Variants in VPS35L observed in about 807,000 individuals in gnomAD.
VPS35L encodes VPS35 endosomal protein-sorting factor-like.
A neutral mutation model predicts 133.0 loss-of-function variants in VPS35L; 83 were observed. The observed-to-expected ratio is 0.62, with a 90% confidence interval of 0.52 to 0.75. VPS35L has a LOEUF of 0.75. Among genes scored for constraint, VPS35L ranks in the 30% least tolerant of loss-of-function variants. The pLI, the probability that VPS35L is intolerant of heterozygous loss-of-function variation, is 0.00. For missense variants in VPS35L, 1,083 were observed against 1,206.8 expected, an observed-to-expected ratio of 0.90 and a Z score of 1.52; for synonymous variants, 423 against 449.9, an observed-to-expected ratio of 0.94 and a Z score of 0.76.
intron 28 of VPS35L, among the ~76,000 whole-genome samples, chr16:19,690,957 G>T (rs140854472): frequency 7.1e-6 from 1 of 140,856 alleles, no homozygotes; most frequent in African/African-American, 2.7e-5. Flanking sequence ...GAGAGACTCC[G>T]TCTCAAAAAA....
At chr16:19,647,472 C>T (rs1055746743) in intron 23 of VPS35L, among the ~76,000 whole-genome samples, 2 of 152,304 alleles carry the variant, frequency 1.3e-5, no homozygotes, top group Admixed American at 1.3e-4. Flanking sequence ...CATCAGGAAG[C>T]AGAAAGGTGT....
intron 26 of VPS35L, among the ~76,000 whole-genome samples, chr16:19,666,872 TTTTCTTTCTTTCTTTCTTTCTTTC>T (rs551438290): frequency 4.7e-5 from 5 of 106,344 alleles, no homozygotes; most frequent in Non-Finnish European, 9.6e-5. Context: ...AGGGCCATGT[TTTTCTTTCTTTCTTTCTTTCTTTC>T]TTTCTTTCTT....
At chr16:19,691,832 A>AG (rs1975700603) in intron 29 of VPS35L, among the ~76,000 whole-genome samples, 1 of 150,050 alleles carries the variant, frequency 6.7e-6, no homozygotes, top group Non-Finnish European at 1.5e-5. Context: ...TCCATCCCTC[A>AG]GCTCCCTGAC....
chr16:19,699,795 C>G lies in VPS35L; in HGVS notation c.2793+147C>G, dbSNP rs1976050692. On this transcript the variant is annotated intron_variant, in intron 30 of 30. Transcript: ENST00000417362. The surrounding 1 kb of genome is among the most constrained non-coding windows in gnomAD (Gnocchi z 4.2). ...TGGTCCATTTCTACTGGATCACTTC[C>G]TAGCAGTAAAAAGCAGAGCTGGCCA... 1.8e-6 allele frequency: 2 copies of G among 1,125,642 alleles called. No homozygotes were observed. Among genetic ancestry groups the G allele is most frequent in the Non-Finnish European group, 2.5e-6 (2 of 803,680 alleles). 69.7% of individuals were successfully genotyped at this position (1,125,642 alleles called of 1,614,324 possible). A position where few individuals can be genotyped will look rare whatever the true frequency, so the allele number is the denominator to read the frequency against.
Position 19,597,037 on chromosome 16 carries a change from A to C in VPS35L, c.725-4627A>C, listed in dbSNP as rs577040980. The stretch of plus-strand genomic sequence containing the variant: ...CTATCTCAGAAAAACAATCAAACCA[A>C]CAACAACAACAACAAAACAACAACA... On this transcript the variant is annotated intron_variant, in intron 8 of 30. Coordinates refer to ENST00000417362, the MANE Select transcript of VPS35L (RefSeq NM_020314.7). Among the ~76,000 whole-genome samples, 13 of 150,482 alleles carry C rather than the reference A, an allele frequency of 8.6e-5. No homozygotes were observed. The East Asian group carries it at 1.6e-3, about 18-fold the overall frequency.
chr16:19,596,205 G>A (rs28592084), intron 8 of VPS35L, among the ~76,000 whole-genome samples: 3,873 of 152,166 alleles, frequency 0.025, 176 homozygotes, highest in African/African-American at 0.089. Context: ...CAGAGCTGAG[G>A]CTCAACTAGC....
chr16:19,655,904 G>A (rs949857302), intron 26 of VPS35L, among the ~76,000 whole-genome samples: 1 of 152,092 alleles, frequency 6.6e-6, no homozygotes, highest in African/African-American at 2.4e-5. Context: ...AGCAAGAGCA[G>A]GTTCTTTTCT....
intron 3 of VPS35L, among the ~76,000 whole-genome samples, chr16:19,569,927 C>A (rs1348707400): frequency 3.9e-5 from 6 of 152,194 alleles, no homozygotes; most frequent in African/African-American, 7.2e-5. Flanking sequence ...CCTGAGCCTC[C>A]TAAAGCTTCT....
intron 27 of VPS35L, among the ~76,000 whole-genome samples, chr16:19,680,272 A>G (rs1359413270): frequency 6.6e-6 from 1 of 152,328 alleles, no homozygotes; most frequent in East Asian, 1.9e-4. Context: ...TAGCCACTTC[A>G]GTACCTGACA....
At chr16:19,570,862 T>C (rs1327377592) in intron 3 of VPS35L, among the ~76,000 whole-genome samples, 5 of 76,010 alleles carry the variant, frequency 6.6e-5, no homozygotes, top group Non-Finnish European at 9.4e-5. Flanking sequence ...TATATATATA[T>C]ATATATATAT....
chr16:19,632,919 C>T (rs527822630), intron 18 of VPS35L, among the ~76,000 whole-genome samples, 173 bp from the exon 19 acceptor site: 76 of 152,314 alleles, frequency 5.0e-4, no homozygotes, highest in African/African-American at 1.6e-3. Context: ...TGGTACTAGA[C>T]CGGGTGATAT....
At chr16:19,660,941 G>A (rs577044200) in intron 26 of VPS35L, among the ~76,000 whole-genome samples, 33 of 152,072 alleles carry the variant, frequency 2.2e-4, no homozygotes, top group African/African-American at 6.7e-4. Context: ...CAAATCTGCT[G>A]TTGTTAACAG....
At chr16:19,683,863 T>G (rs1277289165) in intron 28 of VPS35L, among the ~76,000 whole-genome samples, 1 of 152,230 alleles carries the variant, frequency 6.6e-6, no homozygotes, top group Admixed American at 6.5e-5. Context: ...TTCAATTCTT[T>G]GAGAAATCTC....
At chr16:19,623,802 ATTATTATTATTATTG>A (rs774893346) in intron 14 of VPS35L, among the ~76,000 whole-genome samples, 11,800 of 97,918 alleles carry the variant, frequency 0.12, 706 homozygotes, top group Non-Finnish European at 0.15. Context: ...TATTATTATT[ATTATTATTATTATTG>A]TTTTAAGACA....
chr16:19,680,924 T>A (rs561271443), intron 27 of VPS35L, among the ~76,000 whole-genome samples: 13 of 80,776 alleles, frequency 1.6e-4, no homozygotes, highest in Admixed American at 4.6e-4. Flanking sequence ...GCCCCCCCCC[T>A]AAAAAAACAG....
intron 29 of VPS35L, among the ~76,000 whole-genome samples, chr16:19,695,242 C>T (rs990256086): frequency 3.9e-5 from 6 of 152,128 alleles, no homozygotes; most frequent in East Asian, 1.9e-4. Context: ...GTCTTCATAC[C>T]GAGGCAATAG....
intron 18 of VPS35L, among the ~76,000 whole-genome samples, chr16:19,630,236 C>A (rs953986636): frequency 1.3e-5 from 2 of 151,564 alleles, no homozygotes; most frequent in African/African-American, 2.4e-5. Flanking sequence ...GAATACTGGG[C>A]TTCTCAAAGA....
chr16:19,645,153 T>TG (rs1476827619), intron 23 of VPS35L, among the ~76,000 whole-genome samples: 1 of 138,630 alleles, frequency 7.2e-6, no homozygotes, highest in Non-Finnish European at 1.5e-5. Flanking sequence ...AGGAAAAAGG[T>TG]GGGGGGCGGG....
chr16:19,695,505 T>C (rs1251006238), intron 29 of VPS35L, among the ~76,000 whole-genome samples: 1 of 152,170 alleles, frequency 6.6e-6, no homozygotes, highest in Non-Finnish European at 1.5e-5. Context: ...TGTCTGTCCA[T>C]ATGTGCACAT....
Sources: gnomAD v4.1 joint callset for allele counts (sites outside exome capture counted in the v4.1 genomes callset) on GRCh38, gnomAD v4.1.1 for gene constraint, Gnocchi (gnomAD v3.1) non-coding constraint, MANE v1.5 for transcripts, NCBI Gene and HGNC (gene_info 2026-07-23, HGNC 2026-07-21) for gene names.